The following ADCY8 variants were observed in gnomAD, a reference collection of about 807,000 sequenced individuals.
ADCY8 encodes the protein adenylate cyclase 8.
In ADCY8, 51 loss-of-function variants were observed where a neutral mutation model predicts 119.7. The ratio of observed to expected loss-of-function variants is 0.43; its 90% CI spans 0.34 to 0.54. ADCY8 has a LOEUF of 0.54. Among genes scored for constraint, ADCY8 ranks in the 20% least tolerant of loss-of-function variants. ADCY8 has a pLI of 0.03. For synonymous variants in ADCY8, 665 were observed against 651.0 expected (o/e 1.02, Z -0.33); for missense variants, 1,383 against 1,598.8 (o/e 0.87, Z 2.30).
chr8:130,885,643 C>T (rs904138232), intron 7 of ADCY8, among the ~76,000 whole-genome samples: 16 of 141,082 alleles, frequency 1.1e-4, no homozygotes, highest in Admixed American at 2.3e-4. Context: ...CAATTTAAGG[C>T]AGCTTCTTAG....
At chr8:130,989,238 T>C (rs1330213305) in intron 2 of ADCY8, among the ~76,000 whole-genome samples, 2 of 152,214 alleles carry the variant, frequency 1.3e-5, no homozygotes, top group Non-Finnish European at 2.9e-5. Context: ...AGTAGTTTCC[T>C]CTGCCCTGGG....
intron 7 of ADCY8, among the ~76,000 whole-genome samples, chr8:130,887,596 C>T (rs1819035677): frequency 6.6e-6 from 1 of 152,126 alleles, no homozygotes; most frequent in African/African-American, 2.4e-5. Flanking sequence ...ACCTCTCTAG[C>T]ACCTACCTTA....
intron 7 of ADCY8, among the ~76,000 whole-genome samples, chr8:130,898,058 G>A (rs1819467822): frequency 6.6e-6 from 1 of 151,746 alleles, no homozygotes; most frequent in African/African-American, 2.4e-5. Flanking sequence ...GGTAGAAGAT[G>A]ACACCCAGCA....
chr8:131,020,070 C>G (rs1823616315), intron 1 of ADCY8, among the ~76,000 whole-genome samples: 1 of 151,994 alleles, frequency 6.6e-6, no homozygotes, highest in Non-Finnish European at 1.5e-5. Context: ...TTTCAAAGAA[C>G]TGAATGAAAA....
intron 4 of ADCY8, among the ~76,000 whole-genome samples, chr8:130,940,030 T>C (rs1820909711): frequency 6.6e-6 from 1 of 152,162 alleles, no homozygotes; most frequent in Non-Finnish European, 1.5e-5. Flanking sequence ...GAAAGCACTT[T>C]GGCAAAAATC....
intron 8 of ADCY8, among the ~76,000 whole-genome samples, chr8:130,876,721 A>T (rs139128621): frequency 2.8e-5 from 3 of 106,626 alleles, no homozygotes; most frequent in Non-Finnish European, 1.8e-5. Flanking sequence ...GTAGGGGGGC[A>T]GGGGGGAATG....
intron 1 of ADCY8, among the ~76,000 whole-genome samples, chr8:131,001,048 T>C (rs1196439774): frequency 6.6e-6 from 1 of 152,160 alleles, no homozygotes; most frequent in South Asian, 2.1e-4. Flanking sequence ...GTCTAGGGCC[T>C]GTATGTTTAT....
chr8:130,849,874 T>A, intron 9 of ADCY8, 71 bp from the exon 10 acceptor site: 1 of 1,421,178 alleles, frequency 7.0e-7, no homozygotes, highest in East Asian at 2.5e-5. Context: ...CTATTCCTGG[T>A]CTTCCTTTCC....
chr8:130,800,706 C>T (rs1815750447), intron 14 of ADCY8, 134 bp from the exon 15 acceptor site: 48 of 960,744 alleles, frequency 5.0e-5, no homozygotes, highest in Admixed American at 7.8e-5. Flanking sequence ...GCTTGGATAT[C>T]GTTATGTCAA....
intron 8 of ADCY8, among the ~76,000 whole-genome samples, chr8:130,879,031 G>C (rs376079058): frequency 6.6e-6 from 1 of 152,252 alleles, no homozygotes; most frequent in East Asian, 1.9e-4. Flanking sequence ...TTCCAAATAA[G>C]TGTTCCTGTG....
intron 14 of ADCY8, among the ~76,000 whole-genome samples, chr8:130,807,982 T>A: frequency 1.3e-4 from 2 of 14,874 alleles, no homozygotes; most frequent in South Asian, 6.9e-3. Context: ...AGACTCCGTC[T>A]CAAAAAAAAA....
At chr8:130,909,569 A>G in intron 6 of ADCY8, 139 bp downstream of exon 6, 2 of 1,001,526 alleles carry the variant, frequency 2.0e-6, no homozygotes, top group South Asian at 1.5e-5. Context: ...TAATAGTTGT[A>G]TGATGTTTCA....
rs551170875 is a variant in ADCY8 at position 131,020,398 on chromosome 8, A to G, written c.960+18976T>C. Among the ~76,000 whole-genome samples, 481 of 152,286 alleles carry G rather than the reference A, an allele frequency of 3.2e-3. 1 individual carries two copies. The highest frequency in any genetic ancestry group is 0.011 in the African/African-American group (466 of 41,560). On this transcript the variant is annotated intron_variant, in intron 1 of 17. Coordinates refer to ENST00000286355, the MANE Select transcript of ADCY8 (RefSeq NM_001115.3). Reference sequence around the variant, plus strand: ...AGGACATTCAGCAGGCAAACTTGCAATGGACTGGCCATGGGACAGTGAGAG... The same window carrying G: ...AGGACATTCAGCAGGCAAACTTGCAGTGGACTGGCCATGGGACAGTGAGAG...
chr8:130,991,684 AT>A (rs1822583031), intron 1 of ADCY8, among the ~76,000 whole-genome samples: 1 of 152,242 alleles, frequency 6.6e-6, no homozygotes, highest in Non-Finnish European at 1.5e-5. Context: ...GCACAGAATT[AT>A]GTGACATAAA....
chr8:130,962,125 C>T (rs1316801675), intron 2 of ADCY8, among the ~76,000 whole-genome samples: 2 of 152,218 alleles, frequency 1.3e-5, no homozygotes, highest in Non-Finnish European at 1.5e-5. Context: ...GCCAGTTGTG[C>T]TACTGGCAAT....
chr8:130,976,679 C>T (rs1404737902), intron 2 of ADCY8, among the ~76,000 whole-genome samples: 1 of 152,122 alleles, frequency 6.6e-6, no homozygotes, highest in Admixed American at 6.5e-5. Flanking sequence ...GAGCTTTTCA[C>T]ATTTATTCAA....
chr8:130,946,600 T>A (rs186578229), intron 3 of ADCY8, among the ~76,000 whole-genome samples: 40 of 152,264 alleles, frequency 2.6e-4, no homozygotes, highest in Admixed American at 1.1e-3. Flanking sequence ...AACACTTAAC[T>A]CTCAATAGCA....
intron 2 of ADCY8, among the ~76,000 whole-genome samples, chr8:130,966,237 A>T (rs1007094936): frequency 4.6e-5 from 7 of 152,122 alleles, no homozygotes; most frequent in Non-Finnish European, 1.0e-4. Context: ...CTTCTCAGCC[A>T]CTAAGACCTC....
chr8:130,840,931 T>C (rs1056288018), intron 11 of ADCY8, among the ~76,000 whole-genome samples: 4 of 152,120 alleles, frequency 2.6e-5, no homozygotes, highest in African/African-American at 7.2e-5. Flanking sequence ...GGAAAGTATA[T>C]AATGACACCT....
Sources: gnomAD v4.1 joint callset for allele counts (sites outside exome capture counted in the v4.1 genomes callset) on GRCh38, gnomAD v4.1.1 for gene constraint, MANE v1.5 for transcripts, NCBI Gene and HGNC (gene_info 2026-07-23, HGNC 2026-07-21) for gene names.